The following CADM2 variants were observed in gnomAD, a reference collection of about 807,000 sequenced individuals.
CADM2 encodes the protein cell adhesion molecule 2.
A neutral mutation model predicts 49.8 loss-of-function variants in CADM2; 12 were observed. That is an observed-to-expected ratio of 0.24 (90% CI 0.15 to 0.39). CADM2 has a LOEUF of 0.39. Among genes scored for constraint, CADM2 ranks in the 10% least tolerant of loss-of-function variants. The pLI, the probability that CADM2 is intolerant of heterozygous loss-of-function variation, is 1.00. For missense variants in CADM2, 378 were observed against 492.3 expected (o/e 0.77, Z 2.20); for synonymous variants, 214 against 175.4 (o/e 1.22, Z -1.74).
intron 5 of CADM2, among the ~76,000 whole-genome samples, chr3:85,897,814 T>C (rs1715459790): frequency 6.6e-6 from 1 of 152,190 alleles, no homozygotes; most frequent in African/African-American, 2.4e-5. Flanking sequence ...AACCAGACAT[T>C]GCAAATTCTT....
At chr3:85,633,333 C>G (rs1222286486) in intron 1 of CADM2, among the ~76,000 whole-genome samples, 1 of 151,964 alleles carries the variant, frequency 6.6e-6, no homozygotes, top group Non-Finnish European at 1.5e-5. Flanking sequence ...TACTTTCCTG[C>G]TTTAGCAAGT....
At chr3:85,876,200 T>C (rs1472300791) in intron 3 of CADM2, among the ~76,000 whole-genome samples, 1 of 152,210 alleles carries the variant, frequency 6.6e-6, no homozygotes, top group African/African-American at 2.4e-5. Flanking sequence ...GAGAATTACA[T>C]AGCCAAGGGA....
At chr3:85,449,533 A>G (rs1307322152) in intron 1 of CADM2, among the ~76,000 whole-genome samples, 2 of 150,990 alleles carry the variant, frequency 1.3e-5, no homozygotes, top group Non-Finnish European at 2.9e-5. Flanking sequence ...TCTTTTTTTG[A>G]CGTAGTATTT....
chr3:84,974,854 C>T (rs2031710848), intron 1 of CADM2, among the ~76,000 whole-genome samples: 2 of 151,562 alleles, frequency 1.3e-5, no homozygotes, highest in South Asian at 4.2e-4. Context: ...TTTTTAAAAC[C>T]TCATAGTTGG....
chr3:85,916,948 T>C (rs902466130), intron 6 of CADM2, among the ~76,000 whole-genome samples: 13 of 152,108 alleles, frequency 8.5e-5, no homozygotes, highest in African/African-American at 1.9e-4. Context: ...TTTCATGTGT[T>C]TTTTGGCTGC....
intron 1 of CADM2, among the ~76,000 whole-genome samples, chr3:85,434,878 G>T (rs1007859475): frequency 6.6e-6 from 1 of 152,066 alleles, no homozygotes; most frequent in East Asian, 1.9e-4. Context: ...CGCTTTGACT[G>T]TTGGTAATTT....
Position 86,013,221 on chromosome 3 carries a change from A to G in CADM2, c.970+51574A>G. 2.1e-6 allele frequency: 3 copies of G among 1,418,464 alleles called. 1 individual carries two copies. In the South Asian group the frequency reaches 3.6e-5, roughly 17 times the overall value. The allele number at this position is 1,418,464 out of a possible 1,614,324, so 87.9% of individuals were successfully genotyped here. ...ACATTGATGAAACTTCTGAGCAGGA[A>G]CAAAAACATAAACCAACAATAGCAA... On this transcript the variant is annotated intron_variant, in intron 8 of 9. Transcript: ENST00000383699.
intron 2 of CADM2, among the ~76,000 whole-genome samples, chr3:85,747,667 A>C (rs2107846717): frequency 6.6e-6 from 1 of 152,268 alleles, no homozygotes; most frequent in South Asian, 2.1e-4. Flanking sequence ...GAAATACAGT[A>C]AAGACTATAA....
At chr3:85,263,444 A>G (rs953315077) in intron 1 of CADM2, among the ~76,000 whole-genome samples, 1 of 152,120 alleles carries the variant, frequency 6.6e-6, no homozygotes, top group Non-Finnish European at 1.5e-5. Flanking sequence ...CACATACAAT[A>G]TTTATTTTAA....
chr3:85,465,802 G>A (rs2038465686), intron 1 of CADM2, among the ~76,000 whole-genome samples: 1 of 152,190 alleles, frequency 6.6e-6, no homozygotes, highest in Non-Finnish European at 1.5e-5. Context: ...AATGAACACA[G>A]TGACTTAGTG....
intron 1 of CADM2, among the ~76,000 whole-genome samples, chr3:85,389,986 A>T (rs10511087): frequency 6.6e-6 from 1 of 151,832 alleles, no homozygotes; most frequent in African/African-American, 2.4e-5. Flanking sequence ...ACAAGTCAGC[A>T]TCCTAATTTC....
At chr3:85,313,171 C>T (rs1311503261) in intron 1 of CADM2, among the ~76,000 whole-genome samples, 6 of 152,266 alleles carry the variant, frequency 3.9e-5, no homozygotes, top group African/African-American at 9.6e-5. Context: ...CTCAGGCAAG[C>T]GGCTATCAGG....
At position 86,065,684 on chromosome 3, in the gene CADM2, G is replaced by T. The variant is rs36050101; in HGVS notation, c.1050G>T (p.Thr350=). The change falls in exon 9 of 10, where the codon ACG becomes ACT. Residue 350 remains threonine (T), a synonymous_variant. Coordinates refer to ENST00000383699, the MANE Select transcript of CADM2 (RefSeq NM_001167675.2). ...TAGTGGCTGTAGTTGTATTTGTCAC[G>T]CTGTGTTCTATCTTTCTGCTTGGTC... The part of the protein sequence containing the change: ...GGIVAVVVFV[T]LCSIFLLGRY... The T allele has an allele frequency of 4.7e-5, 76 of 1,613,864 alleles. No individual in the cohort carries two copies. The highest frequency in any genetic ancestry group is 5.9e-5 in the Non-Finnish European group (70 of 1,179,956).
chr3:85,537,997 T>C (rs1270611876), intron 1 of CADM2, among the ~76,000 whole-genome samples: 1 of 152,144 alleles, frequency 6.6e-6, no homozygotes, highest in African/African-American at 2.4e-5. Context: ...ATCTTGCAGA[T>C]GTTTATAGCA....
chr3:85,222,025 A>T (rs2107793650), intron 1 of CADM2, among the ~76,000 whole-genome samples: 1 of 152,314 alleles, frequency 6.6e-6, no homozygotes, highest in East Asian at 1.9e-4. Flanking sequence ...TTTAGAAGAC[A>T]AAATTATTAT....
At chr3:85,570,214 C>T (rs959143050) in intron 1 of CADM2, among the ~76,000 whole-genome samples, 1 of 152,026 alleles carries the variant, frequency 6.6e-6, no homozygotes, top group African/African-American at 2.4e-5. Flanking sequence ...TGCCTGTCTA[C>T]CTACTATCAT....
intron 2 of CADM2, among the ~76,000 whole-genome samples, chr3:85,738,034 A>C (rs998369605): frequency 2.0e-5 from 3 of 152,180 alleles, no homozygotes; most frequent in Non-Finnish European, 4.4e-5. Context: ...CAGGAATGCT[A>C]TTTGGCCTGA....
intron 1 of CADM2, among the ~76,000 whole-genome samples, chr3:85,647,792 C>A (rs896918354): frequency 6.6e-6 from 1 of 151,670 alleles, no homozygotes; most frequent in South Asian, 2.1e-4. Flanking sequence ...TACAAAACCA[C>A]GTAGATATCC....
intron 1 of CADM2, among the ~76,000 whole-genome samples, chr3:85,432,535 T>A (rs2036729652): frequency 6.6e-6 from 1 of 152,128 alleles, no homozygotes; most frequent in South Asian, 2.1e-4. Context: ...ATGATAATCA[T>A]AACTGCAATT....
Sources: gnomAD v4.1 joint callset for allele counts (sites outside exome capture counted in the v4.1 genomes callset) on GRCh38, gnomAD v4.1.1 for gene constraint, MANE v1.5 for transcripts, NCBI Gene and HGNC (gene_info 2026-07-23, HGNC 2026-07-21) for gene names.